Variants in RAI14 observed in about 807,000 individuals in gnomAD.
RAI14 encodes ankycorbin.
Under a neutral mutation model 115.4 loss-of-function variants are expected in RAI14, and 45 were observed. The observed-to-expected ratio is 0.39, with a 90% CI of 0.31 to 0.50. RAI14 has a LOEUF of 0.50. RAI14 is among the 20% of genes least tolerant of loss of function. The probability of loss-of-function intolerance (pLI) is 0.85; values close to 1 mark genes in which losing one functional copy is unlikely to be tolerated. For synonymous variants in RAI14, 371 were observed against 415.4 expected (o/e 0.89, Z 1.30); for missense variants, 939 against 1,131.2 (o/e 0.83, Z 2.44).
Position 34,764,114 on chromosome 5 carries a change from G to C in RAI14, c.167+6516G>C, listed in dbSNP as rs538921196. Among the ~76,000 whole-genome samples the C allele has an allele frequency of 2.0e-5, 3 of 152,280 alleles. No individual in the cohort carries two copies. The East Asian group carries it at 5.8e-4, about 29-fold the overall frequency. On this transcript the variant is annotated intron_variant, in intron 3 of 17. Coordinates refer to ENST00000265109, the MANE Select transcript of RAI14 (RefSeq NM_015577.3). ...GATCTGCCCGCCTTGGCCTCCCAAA[G>C]TGCTGGGATTACAGGCGTGAGCCAC...
intron 2 of RAI14, among the ~76,000 whole-genome samples, chr5:34,725,772 C>A (rs1422758937): frequency 2.0e-5 from 3 of 151,592 alleles, no homozygotes; most frequent in South Asian, 2.1e-4. Context: ...TTGAGACCAG[C>A]CTGACCAACA....
At chr5:34,796,125 G>A in intron 4 of RAI14, 98 bp downstream of exon 4, 1 of 965,162 alleles carries the variant, frequency 1.0e-6, no homozygotes, top group African/African-American at 1.6e-5. Flanking sequence ...GCCAGGTGTG[G>A]TAACTCATCC....
chr5:34,757,306 G>GTC, intron 2 of RAI14, 162 bp from the exon 3 acceptor site: 1 of 791,678 alleles, frequency 1.3e-6, no homozygotes, highest in Non-Finnish European at 2.2e-6. Context: ...CTTCTTGGGT[G>GTC]TCTCCATGGT....
chr5:34,794,329 A>G (rs1445852320), intron 3 of RAI14, among the ~76,000 whole-genome samples: 1 of 152,104 alleles, frequency 6.6e-6, no homozygotes, highest in Non-Finnish European at 1.5e-5. Context: ...AGGCTGAGGC[A>G]GGAGAATCAC....
At chr5:34,756,571 T>C (rs1249979566) in intron 2 of RAI14, among the ~76,000 whole-genome samples, 1 of 152,022 alleles carries the variant, frequency 6.6e-6, no homozygotes, top group East Asian at 1.9e-4. Context: ...CTTTCCTTCC[T>C]CCCCTCTTTC....
chr5:34,716,070 A>G (rs1283460877), intron 2 of RAI14: 4 of 451,602 alleles, frequency 8.9e-6, no homozygotes, highest in Admixed American at 2.4e-5. Flanking sequence ...TGAAATCTGT[A>G]AAGAACTCTA....
At chr5:34,757,399 C>A in intron 2 of RAI14, 69 bp from the exon 3 acceptor site, 1 of 1,566,894 alleles carries the variant, frequency 6.4e-7, no homozygotes, top group Non-Finnish European at 8.7e-7. Flanking sequence ...GCGAGGACTG[C>A]AGCCCTGCTG....
intron 14 of RAI14, among the ~76,000 whole-genome samples, chr5:34,822,273 T>TATATATATATATAA (rs1444000889): frequency 4.8e-5 from 7 of 146,266 alleles, no homozygotes; most frequent in African/African-American, 1.7e-4. Context: ...TATATATATA[T>TATATATATATATAA]AAAATATTAT....
intron 5 of RAI14, among the ~76,000 whole-genome samples, chr5:34,805,716 C>T (rs970682633): frequency 3.9e-5 from 6 of 152,100 alleles, no homozygotes; most frequent in African/African-American, 1.4e-4. Context: ...TGGTGCATGC[C>T]TGTAATCCCA....
intron 3 of RAI14, among the ~76,000 whole-genome samples, chr5:34,780,199 T>G (rs1751433724): frequency 1.3e-5 from 2 of 152,192 alleles, no homozygotes; most frequent in Admixed American, 1.3e-4. Flanking sequence ...GATCCCATCC[T>G]TACACCCTAT....
At chr5:34,748,030 G>T (rs1746513889) in intron 2 of RAI14, among the ~76,000 whole-genome samples, 1 of 152,246 alleles carries the variant, frequency 6.6e-6, no homozygotes, top group Admixed American at 6.5e-5. Context: ...GGCCATGAAG[G>T]GCTGGGGAAA....
chr5:34,802,772 A>G (rs1754429668), intron 4 of RAI14, among the ~76,000 whole-genome samples: 2 of 152,224 alleles, frequency 1.3e-5, no homozygotes, highest in African/African-American at 4.8e-5. Context: ...AAAGAAATAA[A>G]GCAGGGAGTG....
At chr5:34,796,316 G>T (rs1012876582) in intron 4 of RAI14, among the ~76,000 whole-genome samples, 1 of 151,792 alleles carries the variant, frequency 6.6e-6, no homozygotes, top group African/African-American at 2.4e-5. Flanking sequence ...GAGAATCACT[G>T]GAATCCTGGA....
intron 1 of RAI14, 114 bp from the exon 2 acceptor site, chr5:34,686,758 C>A: frequency 2.0e-6 from 1 of 511,212 alleles, no homozygotes; most frequent in Non-Finnish European, 3.4e-6. Flanking sequence ...TGTTAACTGA[C>A]CACCTTCCCA....
chr5:34,819,899 G>A (rs930767199), intron 13 of RAI14, among the ~76,000 whole-genome samples: 2 of 151,954 alleles, frequency 1.3e-5, no homozygotes, highest in Non-Finnish European at 2.9e-5. Flanking sequence ...CACCACACCC[G>A]GCCCTAGAAA....
At chr5:34,758,876 T>G (rs1748242819) in intron 3 of RAI14, among the ~76,000 whole-genome samples, 1 of 152,182 alleles carries the variant, frequency 6.6e-6, no homozygotes, top group Non-Finnish European at 1.5e-5. Flanking sequence ...CAAAAAGGGT[T>G]TCCTTATCCC....
chr5:34,699,353 A>G (rs1739745915), intron 2 of RAI14, among the ~76,000 whole-genome samples: 1 of 152,210 alleles, frequency 6.6e-6, no homozygotes, highest in African/African-American at 2.4e-5. Context: ...ACCAGAGGTC[A>G]GCAGCCTCAG....
In RAI14 at chr5:34,752,749, G is replaced by GTC. The variant is rs371462831; in HGVS notation, c.37-4718_37-4717insCT. On this transcript the variant is annotated intron_variant, in intron 2 of 17. Coordinates refer to ENST00000265109, the MANE Select transcript of RAI14 (RefSeq NM_015577.3). ...TGTGTGTGTGTGTGTGTGTGTGTGT[G>GTC]TATATATATATATATATGTATCTTT... 1.4e-4 allele frequency among the ~76,000 whole-genome samples: 15 copies of GTC among 107,058 alleles called. 1 individual carries two copies. The East Asian group carries it at 4.3e-3, about 31-fold the overall frequency. 70.2% of individuals were successfully genotyped at this position (107,058 alleles called of 152,430 possible). A position where few individuals can be genotyped will look rare whatever the true frequency, so the allele number is the denominator to read the frequency against.
intron 2 of RAI14, among the ~76,000 whole-genome samples, chr5:34,717,499 G>C (rs780723553): frequency 3.3e-5 from 5 of 152,208 alleles, no homozygotes; most frequent in Admixed American, 2.6e-4. Flanking sequence ...CATTTTGGGC[G>C]GGGGGGAATC....
Sources: gnomAD v4.1 joint callset for allele counts (sites outside exome capture counted in the v4.1 genomes callset) on GRCh38, gnomAD v4.1.1 for gene constraint, MANE v1.5 for transcripts, NCBI Gene and HGNC (gene_info 2026-07-23, HGNC 2026-07-21) for gene names.